The following SLC2A13 variants were observed in gnomAD, a reference collection of about 807,000 sequenced individuals.
The protein encoded by SLC2A13 is proton myo-inositol cotransporter.
In SLC2A13, 32 loss-of-function variants were observed where a neutral mutation model predicts 64.4. The ratio of observed to expected loss-of-function variants is 0.50; its 90% CI spans 0.37 to 0.67. The LOEUF is 0.67. SLC2A13 is among the 30% of genes least tolerant of loss of function. The probability of loss-of-function intolerance (pLI) is 0.00; values close to 1 mark genes in which losing one functional copy is unlikely to be tolerated. For missense variants in SLC2A13, 743 were observed against 829.2 expected, an observed-to-expected ratio of 0.90 and a Z score of 1.28; for synonymous variants, 338 against 327.1, an observed-to-expected ratio of 1.03 and a Z score of -0.36.
At chr12:39,947,981 T>C (rs1219468022) in intron 4 of SLC2A13, among the ~76,000 whole-genome samples, 1 of 152,144 alleles carries the variant, frequency 6.6e-6, no homozygotes, top group African/African-American at 2.4e-5. Context: ...GAATTTACTT[T>C]AACCATCATC....
chr12:39,817,779 C>T (rs1942380468), intron 7 of SLC2A13, among the ~76,000 whole-genome samples: 1 of 152,068 alleles, frequency 6.6e-6, no homozygotes, highest in African/African-American at 2.4e-5. Context: ...AGCTATAAAC[C>T]TTATCAGGAC....
rs1176774054 is a variant in SLC2A13 at position 40,020,261 on chromosome 12, G to A, written c.925+8040C>T. Among the ~76,000 whole-genome samples, 15 of 152,266 alleles carry A rather than the reference G, an allele frequency of 9.9e-5. No individual in the cohort carries two copies. The East Asian group carries it at 2.1e-3, about 22-fold the overall frequency. Reference sequence around the variant, plus strand: ...CTCTGTGTCTCCACCCAAATTTCACGTTGAGTTGTAAACCCCAGGTGTCAA... The same window carrying A: ...CTCTGTGTCTCCACCCAAATTTCACATTGAGTTGTAAACCCCAGGTGTCAA... On this transcript the variant is annotated intron_variant, in intron 3 of 9. Transcript: ENST00000280871.
intron 3 of SLC2A13, among the ~76,000 whole-genome samples, chr12:40,008,097 T>C (rs2136190892): frequency 6.6e-6 from 1 of 152,296 alleles, no homozygotes; most frequent in Non-Finnish European, 1.5e-5. Context: ...ATTTAAGGAT[T>C]TTTTTTAAAA....
intron 4 of SLC2A13, among the ~76,000 whole-genome samples, chr12:39,943,927 T>C: frequency 6.6e-6 from 1 of 152,214 alleles, no homozygotes; most frequent in East Asian, 1.9e-4. Flanking sequence ...GAGTTTTTTT[T>C]CACACCCCAG....
At chr12:39,940,164 T>C (rs1170536415) in intron 4 of SLC2A13, among the ~76,000 whole-genome samples, 1 of 152,178 alleles carries the variant, frequency 6.6e-6, no homozygotes. Flanking sequence ...ATTTTATCTT[T>C]CAACAGCTTT....
chr12:40,083,412 A>G (rs944672606), intron 1 of SLC2A13, among the ~76,000 whole-genome samples: 9 of 152,180 alleles, frequency 5.9e-5, no homozygotes, highest in Non-Finnish European at 1.0e-4. Context: ...GCAGCATACC[A>G]GCAAGGGAAA....
chr12:39,808,589 A>G (rs1394429535), intron 7 of SLC2A13, among the ~76,000 whole-genome samples: 2 of 147,306 alleles, frequency 1.4e-5, no homozygotes, highest in Non-Finnish European at 3.0e-5. Context: ...CCTCACCAAC[A>G]CTTGATATTT....
chr12:40,052,716 G>A (rs1232220675), intron 1 of SLC2A13, among the ~76,000 whole-genome samples: 6 of 151,922 alleles, frequency 3.9e-5, no homozygotes, highest in Non-Finnish European at 7.4e-5. Context: ...ACTGACATTC[G>A]GCCAGGTAGG....
intron 3 of SLC2A13, among the ~76,000 whole-genome samples, chr12:40,009,192 T>C (rs561279025): frequency 3.2e-4 from 48 of 152,280 alleles, no homozygotes; most frequent in African/African-American, 8.4e-4. Context: ...GTGGGATCGA[T>C]GTGATGGGCA....
chr12:40,104,749 C>A (rs1460314900), intron 1 of SLC2A13, among the ~76,000 whole-genome samples: 1 of 152,194 alleles, frequency 6.6e-6, no homozygotes, highest in Non-Finnish European at 1.5e-5. Context: ...ATAAACCTTT[C>A]AGAGTCCAGA....
chr12:40,045,459 T>A (rs1358312785), intron 2 of SLC2A13, among the ~76,000 whole-genome samples: 1 of 151,120 alleles, frequency 6.6e-6, no homozygotes, highest in Non-Finnish European at 1.5e-5. Context: ...AATGCTAAGG[T>A]AGCACTTCAA....
intron 4 of SLC2A13, among the ~76,000 whole-genome samples, chr12:39,947,569 A>C (rs1946156778): frequency 6.6e-6 from 1 of 152,184 alleles, no homozygotes; most frequent in Non-Finnish European, 1.5e-5. Flanking sequence ...TCTATTTATT[A>C]ATAGTCATCA....
chr12:39,929,422 G>A (rs1945783535), intron 4 of SLC2A13, among the ~76,000 whole-genome samples: 1 of 151,678 alleles, frequency 6.6e-6, no homozygotes, highest in South Asian at 2.1e-4. Context: ...GTGGTGGTGG[G>A]AACCTGTAAT....
At chr12:39,947,603 A>G (rs1252586130) in intron 4 of SLC2A13, among the ~76,000 whole-genome samples, 3 of 151,990 alleles carry the variant, frequency 2.0e-5, no homozygotes, top group Non-Finnish European at 4.4e-5. Context: ...TAGATTGAAC[A>G]TGGAACATCT....
At chr12:39,899,675 G>A (rs1229621324) in intron 4 of SLC2A13, among the ~76,000 whole-genome samples, 1 of 151,926 alleles carries the variant, frequency 6.6e-6, no homozygotes, top group Non-Finnish European at 1.5e-5. Context: ...ATTCTGGTAT[G>A]TTGTGTCTTT....
intron 1 of SLC2A13, among the ~76,000 whole-genome samples, chr12:40,052,723 T>C (rs1948279114): frequency 6.6e-6 from 1 of 152,084 alleles, no homozygotes; most frequent in Admixed American, 6.5e-5. Context: ...TTCGGCCAGG[T>C]AGGGCTTGGG....
At chr12:40,074,794 T>A (rs754840171) in intron 1 of SLC2A13, among the ~76,000 whole-genome samples, 1 of 152,068 alleles carries the variant, frequency 6.6e-6, no homozygotes, top group African/African-American at 2.4e-5. Flanking sequence ...AGTAATAAAG[T>A]GGTAAGGTGT....
chr12:39,825,316 GA>G (rs1042956608), intron 7 of SLC2A13, among the ~76,000 whole-genome samples: 4 of 151,770 alleles, frequency 2.6e-5, no homozygotes, highest in African/African-American at 4.8e-5. Context: ...GATAAATACA[GA>G]AAAAAAATTC....
intron 4 of SLC2A13, among the ~76,000 whole-genome samples, chr12:39,924,951 T>C (rs190080170): frequency 8.0e-4 from 122 of 152,184 alleles, no homozygotes; most frequent in African/African-American, 2.8e-3. Flanking sequence ...CATTTATTTA[T>C]ATCATCATAC....
Sources: allele counts gnomAD v4.1 joint callset (sites outside exome capture counted in the v4.1 genomes callset), GRCh38; gene constraint gnomAD v4.1.1; transcripts MANE v1.5; gene names NCBI Gene and HGNC (gene_info 2026-07-23, HGNC 2026-07-21).